NDUFAF5: variants seen among roughly 807,000 people sequenced by gnomAD.
NDUFAF5 encodes the protein arginine-hydroxylase NDUFAF5, mitochondrial.
A neutral mutation model predicts 48.9 loss-of-function variants in NDUFAF5; 34 were observed. The observed-to-expected ratio is 0.70, with a 90% confidence interval of 0.53 to 0.93. The LOEUF (loss-of-function observed/expected upper bound fraction) is 0.93. NDUFAF5 is among the 40% of genes least tolerant of loss of function. NDUFAF5 has a pLI of 0.00. For missense variants in NDUFAF5, 428 were observed against 427.5 expected (o/e 1.00, Z -0.01); for synonymous variants, 153 against 150.6 (o/e 1.02, Z -0.12).
chr20:13,806,507 C>T lies in NDUFAF5; in HGVS notation c.718-2335C>T, dbSNP rs547041549. Among the ~76,000 whole-genome samples, 5 of 152,266 alleles carry T rather than the reference C, an allele frequency of 3.3e-5. No homozygotes were observed. In the East Asian group the frequency reaches 9.7e-4, roughly 29 times the overall value. On this transcript the variant is annotated intron_variant, in intron 7 of 10. Coordinates refer to ENST00000378106, the MANE Select transcript of NDUFAF5 (RefSeq NM_024120.5). Reference sequence around the variant, plus strand: ...CTGGGCGCTGGGTGGCAAAGTGAGACTCCGTCTCAAAAATAAAATAAAAAA... The same window carrying T: ...CTGGGCGCTGGGTGGCAAAGTGAGATTCCGTCTCAAAAATAAAATAAAAAA...
intron 8 of NDUFAF5, among the ~76,000 whole-genome samples, chr20:13,809,778 G>A (rs181844141): frequency 8.2e-4 from 125 of 152,298 alleles, no homozygotes; most frequent in Middle Eastern, 6.8e-3. Context: ...TTGTACTAAG[G>A]TGGTGGCAAT....
intron 9 of NDUFAF5, 119 bp from the exon 10 acceptor site, chr20:13,816,756 T>A (rs1047746723): frequency 1.3e-6 from 1 of 782,632 alleles, no homozygotes; most frequent in South Asian, 1.4e-5. Flanking sequence ...ATGTAAGATG[T>A]TCTCAGAATC....
intron 6 of NDUFAF5, among the ~76,000 whole-genome samples, chr20:13,799,800 T>C (rs1983851464): frequency 6.6e-6 from 1 of 151,608 alleles, no homozygotes; most frequent in Non-Finnish European, 1.5e-5. Flanking sequence ...ACCTAGGTGG[T>C]AATGGTAGGA....
chr20:13,816,373 A>C, intron 8 of NDUFAF5, 90 bp from the exon 9 acceptor site: 1 of 856,982 alleles, frequency 1.2e-6, no homozygotes, highest in Non-Finnish European at 2.0e-6. Context: ...GGACAGGTAT[A>C]CTGTTAGATG....
rs565236788 is a variant in NDUFAF5, at chr20:13,788,106, C to T, written c.264-483C>T. The stretch of plus-strand genomic sequence containing the variant: ...TTAGCACAGTACTTTGAACCTGGTA[C>T]GTTTTCAGTAAAAGTTTAACTGTTA... On this transcript the variant is annotated intron_variant, in intron 2 of 10. Transcript: ENST00000378106. Among the ~76,000 whole-genome samples the T allele has an allele frequency of 5.3e-5, 8 of 152,148 alleles. No individual in the cohort carries two copies. In the South Asian group the frequency reaches 6.2e-4, roughly 12 times the overall value.
chr20:13,789,071 T>C (rs1315145448), intron 3 of NDUFAF5, among the ~76,000 whole-genome samples: 1 of 152,232 alleles, frequency 6.6e-6, no homozygotes, highest in Non-Finnish European at 1.5e-5. Flanking sequence ...TATAACATTG[T>C]ATTTTGCACT....
At chr20:13,787,600 A>G (rs1398866985) in intron 2 of NDUFAF5, among the ~76,000 whole-genome samples, 1 of 152,202 alleles carries the variant, frequency 6.6e-6, no homozygotes, top group East Asian at 1.9e-4. Flanking sequence ...AATCCACTTG[A>G]TTTGGCCAAA....
rs1600401932 is a variant in NDUFAF5, at chr20:13,818,440, G to T, written c.*1230G>T. 9.4e-6 allele frequency: 3 copies of T among 317,574 alleles called. No individual in the cohort carries two copies. Among genetic ancestry groups the T allele is most frequent in the East Asian group, 8.5e-5 (1 of 11,830 alleles). 19.7% of individuals were successfully genotyped at this position (317,574 alleles called of 1,614,324 possible). On this transcript the variant is annotated 3_prime_UTR_variant, in exon 11 of 11. Transcript: ENST00000378106. ...AGTAGAATTTGGCGTTTTGTTTTTT[G>T]GGGTTTTTTTTTTTTTTAGCTTAAT...
At chr20:13,808,365 C>G (rs1477604026) in intron 7 of NDUFAF5, among the ~76,000 whole-genome samples, 2 of 152,108 alleles carry the variant, frequency 1.3e-5, no homozygotes, top group Non-Finnish European at 2.9e-5. Flanking sequence ...CCACATGTAT[C>G]AGCAATGTGC....
intron 5 of NDUFAF5, 40 bp downstream of exon 5, chr20:13,794,981 G>A: frequency 7.3e-7 from 1 of 1,371,492 alleles, no homozygotes; most frequent in Non-Finnish European, 1.0e-6. Flanking sequence ...GTTATAAACA[G>A]ATCATTCTTG....
chr20:13,816,804 A>G (rs1986516383), intron 9 of NDUFAF5, 71 bp from the exon 10 acceptor site: 7 of 972,654 alleles, frequency 7.2e-6, no homozygotes, highest in East Asian at 2.4e-5. Flanking sequence ...TTTGAAGAAC[A>G]TGACCTTTAT....
intron 5 of NDUFAF5, among the ~76,000 whole-genome samples, chr20:13,795,554 C>G (rs1330801582): frequency 6.6e-6 from 1 of 152,168 alleles, no homozygotes; most frequent in African/African-American, 2.4e-5. Flanking sequence ...TACAGTGGCT[C>G]TCACCAGCAA....
intron 7 of NDUFAF5, 40 bp downstream of exon 7, chr20:13,801,723 C>CA: frequency 1.3e-6 from 2 of 1,510,492 alleles, no homozygotes; most frequent in Non-Finnish European, 1.8e-6. Flanking sequence ...TTACACAGTT[C>CA]AAAAAAGAAC....
At chr20:13,800,893 C>G (rs1318109219) in intron 6 of NDUFAF5, among the ~76,000 whole-genome samples, 1 of 152,172 alleles carries the variant, frequency 6.6e-6, no homozygotes, top group Admixed American at 6.5e-5. Flanking sequence ...CCCTACATCT[C>G]TCCTCCTCCT....
chr20:13,802,771 G>A (rs545492531), intron 7 of NDUFAF5, among the ~76,000 whole-genome samples: 2 of 151,308 alleles, frequency 1.3e-5, no homozygotes, highest in African/African-American at 4.9e-5. Flanking sequence ...GCTTACATTA[G>A]CTCCTGCCTT....
In NDUFAF5 at chr20:13,820,732, A is replaced by G. The variant is rs1001695705; in HGVS notation, c.*3522A>G. On this transcript the variant is annotated 3_prime_UTR_variant, in exon 11 of 11. Coordinates refer to ENST00000378106, the MANE Select transcript of NDUFAF5 (RefSeq NM_024120.5). ...AGTACAATTTTTGTATTGATTATGT[A>G]TTCCTTAAGTAGGAGTGGAATAAAA... The G allele has an allele frequency of 6.6e-6, 1 of 152,162 alleles. No homozygotes were observed. Among genetic ancestry groups the G allele is most frequent in the Non-Finnish European group, 1.5e-5 (1 of 68,036 alleles). The allele number at this position is 152,162 out of a possible 1,614,324, so 9.4% of individuals were successfully genotyped here. A position where few individuals can be genotyped will look rare whatever the true frequency, so the allele number is the denominator to read the frequency against.
At chr20:13,807,389 T>C (rs1279111502) in intron 7 of NDUFAF5, among the ~76,000 whole-genome samples, 1 of 152,146 alleles carries the variant, frequency 6.6e-6, no homozygotes, top group African/African-American at 2.4e-5. Context: ...CCCAAAGATT[T>C]GTTAGCTGTG....
At chr20:13,806,648 T>G (rs6042366) in intron 7 of NDUFAF5, among the ~76,000 whole-genome samples, 23,419 of 152,202 alleles carry the variant, frequency 0.15, 2,293 homozygotes, top group East Asian at 0.43. Context: ...GAAGAATTGT[T>G]TTCAAAGGAT....
In NDUFAF5 at chr20:13,798,512, T is replaced by TA. The variant is rs778946642; in HGVS notation, c.519+13dup. 7 of 1,590,094 alleles carry TA rather than the reference T, an allele frequency of 4.4e-6. No homozygotes were observed. Among genetic ancestry groups the TA allele is most frequent in the Non-Finnish European group, 6.0e-6 (7 of 1,158,490 alleles). On this transcript the variant is annotated intron_variant, in intron 6 of 10. Coordinates refer to ENST00000378106, the MANE Select transcript of NDUFAF5 (RefSeq NM_024120.5). Reference sequence around the variant, plus strand: ...GAGCACTTGAGCAGGTAAGAAAACTTATGTTCATTCAACTATCTTGTGTTA... The same window carrying TA: ...GAGCACTTGAGCAGGTAAGAAAACTTAATGTTCATTCAACTATCTTGTGTTA...
Sources: allele counts gnomAD v4.1 joint callset (sites outside exome capture counted in the v4.1 genomes callset), GRCh38; gene constraint gnomAD v4.1.1; transcripts MANE v1.5; gene names NCBI Gene and HGNC (gene_info 2026-07-23, HGNC 2026-07-21).